The following OSBPL9 variants were observed in gnomAD, a reference collection of about 807,000 sequenced individuals.
OSBPL9 encodes the protein oxysterol binding protein like 9.
OSBPL9 carries 40 observed loss-of-function variants against 106.6 expected under a neutral mutation model. The observed-to-expected ratio is 0.38, with a 90% CI of 0.29 to 0.49. The LOEUF (loss-of-function observed/expected upper bound fraction) is 0.49. Among genes scored for constraint, OSBPL9 ranks in the 20% least tolerant of loss-of-function variants. The pLI is 0.97. For missense variants in OSBPL9, 609 were observed against 887.2 expected, an observed-to-expected ratio of 0.69 and a Z score of 3.98; for synonymous variants, 269 against 295.4, an observed-to-expected ratio of 0.91 and a Z score of 0.92.
chr1:51,697,864 G>C (rs1656401713), intron 3 of OSBPL9, among the ~76,000 whole-genome samples: 1 of 149,728 alleles, frequency 6.7e-6, no homozygotes, highest in African/African-American at 2.5e-5. Flanking sequence ...AGGCATTATT[G>C]AGAATTAGGA....
Position 51,787,230 on chromosome 1 carries a change from G to T in OSBPL9, c.2001-123G>T, listed in dbSNP as rs538571088. 5.5e-6 allele frequency: 5 copies of T among 915,780 alleles called. No homozygotes were observed. In the East Asian group the frequency reaches 1.2e-4, roughly 22 times the overall value. 56.7% of individuals were successfully genotyped at this position (915,780 alleles called of 1,614,324 possible). ...CTTACTCCAGTGCCCTGGTGCCAGC[G>T]TAAGGAGATTTAGTCTGTGACCTAC... On this transcript the variant is annotated intron_variant, in intron 22 of 23. Transcript: ENST00000428468.
At chr1:51,611,408 T>G (rs1055546287) in intron 2 of OSBPL9, among the ~76,000 whole-genome samples, 5 of 152,230 alleles carry the variant, frequency 3.3e-5, no homozygotes, top group African/African-American at 1.2e-4. Context: ...GAATGTTGTT[T>G]TATTTGATGC....
At chr1:51,689,966 T>C (rs1557693338) in intron 3 of OSBPL9, among the ~76,000 whole-genome samples, 3 of 152,226 alleles carry the variant, frequency 2.0e-5, no homozygotes, top group Non-Finnish European at 4.4e-5. Context: ...TTCTGGATTC[T>C]TTTCTGCCAA....
intron 1 of OSBPL9, among the ~76,000 whole-genome samples, chr1:51,597,812 G>T (rs1645310567): frequency 6.6e-6 from 1 of 152,202 alleles, no homozygotes. Context: ...CTTAAAGGGA[G>T]TGTCAAAATT....
At chr1:51,562,363 G>A in the OSBPL9 span, among the ~76,000 whole-genome samples, 2 of 151,926 alleles carry the variant, frequency 1.3e-5, no homozygotes, top group South Asian at 2.1e-4. Flanking sequence ...ATCACTTTCC[G>A]CCATCACAGT....
At chr1:51,659,864 G>T (rs1232244658) in intron 2 of OSBPL9, among the ~76,000 whole-genome samples, 2 of 152,030 alleles carry the variant, frequency 1.3e-5, no homozygotes, top group African/African-American at 4.8e-5. Context: ...TTAAAATTTG[G>T]GAAAGGGGAG....
chr1:51,749,559 C>A, intron 7 of OSBPL9: 1 of 404,418 alleles, frequency 2.5e-6, no homozygotes, highest in South Asian at 1.8e-5. Context: ...GATCCTCCTT[C>A]CTTGGCCTAC....
At chr1:51,783,053 T>G (rs1023906545) in intron 17 of OSBPL9, among the ~76,000 whole-genome samples, 2 of 152,204 alleles carry the variant, frequency 1.3e-5, no homozygotes, top group Non-Finnish European at 2.9e-5. Flanking sequence ...GTCTTTTATA[T>G]TCATATAACC....
intron 3 of OSBPL9, 166 bp downstream of exon 3, chr1:51,669,678 G>T (rs1230113231): frequency 1.2e-5 from 7 of 608,534 alleles, no homozygotes; most frequent in East Asian, 1.0e-4. Flanking sequence ...GCAGGGATTT[G>T]TATCTGCAAT....
the OSBPL9 span, among the ~76,000 whole-genome samples, chr1:51,545,759 A>T: frequency 3.3e-5 from 5 of 152,320 alleles, no homozygotes; most frequent in Middle Eastern, 3.4e-3. Flanking sequence ...ACACACAAAC[A>T]AACACACACA....
At chr1:51,523,164 C>A in the OSBPL9 span, among the ~76,000 whole-genome samples, 7 of 152,018 alleles carry the variant, frequency 4.6e-5, no homozygotes, top group Non-Finnish European at 7.4e-5. Context: ...ACTGACATAT[C>A]CCTGTCATTG....
At chr1:51,535,961 G>A in the OSBPL9 span, among the ~76,000 whole-genome samples, 1 of 151,840 alleles carries the variant, frequency 6.6e-6, no homozygotes, top group Non-Finnish European at 1.5e-5. Flanking sequence ...TGCCCCAGAA[G>A]TTCTCATGTG....
the OSBPL9 span, among the ~76,000 whole-genome samples, chr1:51,548,586 C>T: frequency 7.1e-6 from 1 of 141,296 alleles, no homozygotes; most frequent in Non-Finnish European, 1.5e-5. Context: ...GATGGAGTTC[C>T]ACTATGTTGC....
At chr1:51,697,648 CT>C (rs1656346025) in intron 3 of OSBPL9, among the ~76,000 whole-genome samples, 1 of 151,200 alleles carries the variant, frequency 6.6e-6, no homozygotes, top group Admixed American at 6.6e-5. Context: ...CTAAAAGCTA[CT>C]TCTTGTAGTT....
At chr1:51,534,690 T>A in the OSBPL9 span, among the ~76,000 whole-genome samples, 2 of 152,232 alleles carry the variant, frequency 1.3e-5, no homozygotes, top group East Asian at 3.8e-4. Flanking sequence ...CCAATACCAG[T>A]GATGGGGCCA....
the OSBPL9 span, among the ~76,000 whole-genome samples, chr1:51,571,168 A>T: frequency 6.6e-6 from 1 of 152,228 alleles, no homozygotes; most frequent in African/African-American, 2.4e-5. Context: ...AATAATTTTT[A>T]GCTTCTGAAG....
chr1:51,628,433 C>T (rs541357002), intron 1 of OSBPL9, among the ~76,000 whole-genome samples: 18 of 151,788 alleles, frequency 1.2e-4, no homozygotes, highest in African/African-American at 4.1e-4. Context: ...AAAATTCCTA[C>T]GCTGGCCTGG....
intron 1 of OSBPL9, among the ~76,000 whole-genome samples, chr1:51,596,503 G>A (rs961774639): frequency 7.6e-5 from 11 of 145,616 alleles, no homozygotes; most frequent in African/African-American, 2.8e-4. Flanking sequence ...AGGTTGCAGC[G>A]AGCCGAGAGC....
At chr1:51,647,854 C>A (rs1037713070) in intron 1 of OSBPL9, among the ~76,000 whole-genome samples, 22 of 152,086 alleles carry the variant, frequency 1.4e-4, no homozygotes, top group Non-Finnish European at 2.8e-4. Context: ...GTGGCTCGCA[C>A]CTGTAGTCCC....
Sources: allele counts gnomAD v4.1 joint callset (sites outside exome capture counted in the v4.1 genomes callset), GRCh38; gene constraint gnomAD v4.1.1; transcripts MANE v1.5; gene names NCBI Gene and HGNC (gene_info 2026-07-23, HGNC 2026-07-21).